The following ZNG1B variants were observed in gnomAD, a reference collection of about 807,000 sequenced individuals.
The protein encoded by ZNG1B is zinc-regulated GTPase metalloprotein activator 1B.
At chr2:113,439,911 G>A in the ZNG1B span, among the ~76,000 whole-genome samples, 3 of 116,676 alleles carry the variant, frequency 2.6e-5, no homozygotes, top group Admixed American at 1.0e-4. Context: ...TTGAGACGGA[G>A]TCTCGCTCTG....
chr2:113,486,739 G>A, the ZNG1B span, among the ~76,000 whole-genome samples: 1 of 151,974 alleles, frequency 6.6e-6, no homozygotes, highest in African/African-American at 2.4e-5. Context: ...CTGGGCAACA[G>A]AGTGAGACCC....
At chr2:113,475,335 T>G in the ZNG1B span, among the ~76,000 whole-genome samples, 1 of 152,152 alleles carries the variant, frequency 6.6e-6, no homozygotes, top group African/African-American at 2.4e-5. Context: ...TGTTTTCCAT[T>G]TGCTTAGTAG....
At chr2:113,453,002 C>T in the ZNG1B span, 212 of 1,436,568 alleles carry the variant, frequency 1.5e-4, no homozygotes, top group Non-Finnish European at 2.0e-4. Flanking sequence ...ATAGTGAAAG[C>T]TTCTATCACT....
At chr2:113,455,600 A>G in the ZNG1B span, 9 of 1,287,034 alleles carry the variant, frequency 7.0e-6, no homozygotes, top group Non-Finnish European at 9.1e-6. Context: ...CATCCCACCC[A>G]CTGACCCGTT....
At chr2:113,477,254 G>A in the ZNG1B span, among the ~76,000 whole-genome samples, 5,865 of 150,556 alleles carry the variant, frequency 0.039, no homozygotes, top group African/African-American at 0.074. Flanking sequence ...GAAAAGCGCA[G>A]TATTCGGGTG....
chr2:113,478,167 A>G, the ZNG1B span, among the ~76,000 whole-genome samples: 4 of 152,216 alleles, frequency 2.6e-5, no homozygotes, highest in Admixed American at 6.5e-5. Context: ...GAAAATGGAC[A>G]TGTCTCTGGG....
the ZNG1B span, among the ~76,000 whole-genome samples, chr2:113,476,729 T>G: frequency 1.3e-5 from 2 of 152,134 alleles, no homozygotes; most frequent in African/African-American, 4.8e-5. Context: ...TTAGTTTTCC[T>G]TCTAACAGAC....
the ZNG1B span, among the ~76,000 whole-genome samples, chr2:113,475,546 T>C: frequency 6.6e-6 from 1 of 151,498 alleles, no homozygotes; most frequent in African/African-American, 2.4e-5. Context: ...TGTTAGCTGG[T>C]TATTTTGCTC....
the ZNG1B span, among the ~76,000 whole-genome samples, chr2:113,467,058 T>C: frequency 7.5e-6 from 1 of 133,470 alleles, no homozygotes; most frequent in Admixed American, 7.3e-5. Flanking sequence ...AGCGAGACTC[T>C]GTCTCAAAAA....
At chr2:113,482,234 G>GA in the ZNG1B span, 23 of 1,456,648 alleles carry the variant, frequency 1.6e-5, no homozygotes, top group South Asian at 2.5e-5. Flanking sequence ...ATCAGGTAAA[G>GA]AAAAAAAATC....
chr2:113,441,378 A>G, the ZNG1B span: 4 of 1,601,726 alleles, frequency 2.5e-6, no homozygotes, highest in Non-Finnish European at 3.4e-6. Context: ...CTTCTGAACT[A>G]TATTTTGACA....
chr2:113,470,359 CT>C, the ZNG1B span: 2 of 151,988 alleles, frequency 1.3e-5, no homozygotes, highest in African/African-American at 4.8e-5. Flanking sequence ...TATAAATTTG[CT>C]TTTTTATATT....
the ZNG1B span, among the ~76,000 whole-genome samples, chr2:113,472,358 T>G: frequency 6.6e-6 from 1 of 152,068 alleles, no homozygotes; most frequent in Non-Finnish European, 1.5e-5. Flanking sequence ...TAAATTTGTT[T>G]GAGTTCATTG....
At chr2:113,477,178 G>A in the ZNG1B span, among the ~76,000 whole-genome samples, 1 of 152,160 alleles carries the variant, frequency 6.6e-6, no homozygotes, top group Admixed American at 6.6e-5. Flanking sequence ...AGACTCCGTG[G>A]GCGTGGGACC....
At chr2:113,471,660 A>G in the ZNG1B span, among the ~76,000 whole-genome samples, 1 of 131,546 alleles carries the variant, frequency 7.6e-6, no homozygotes, top group Admixed American at 8.2e-5. Flanking sequence ...AGTCCCCAGA[A>G]TGTGATGTTC....
chr2:113,454,316 C>T, the ZNG1B span, among the ~76,000 whole-genome samples: 11 of 152,050 alleles, frequency 7.2e-5, no homozygotes, highest in African/African-American at 1.2e-4. Context: ...CTCATTCTTT[C>T]GGCAATAATT....
the ZNG1B span, among the ~76,000 whole-genome samples, chr2:113,487,508 A>G: frequency 3.0e-4 from 46 of 152,136 alleles, no homozygotes; most frequent in African/African-American, 1.1e-3. Context: ...GACTAAAATT[A>G]TACCCATTGA....
At chr2:113,487,704 G>A in the ZNG1B span, among the ~76,000 whole-genome samples, 1 of 144,174 alleles carries the variant, frequency 6.9e-6, no homozygotes, top group African/African-American at 2.9e-5. Context: ...AGTATATGAC[G>A]GGATTTTTTT....
At chr2:113,454,565 T>C in the ZNG1B span, among the ~76,000 whole-genome samples, 5 of 150,628 alleles carry the variant, frequency 3.3e-5, no homozygotes, top group East Asian at 3.9e-4. Context: ...ATTGACTTAT[T>C]ACTGGAATTT....
Sources: gnomAD v4.1 joint callset for allele counts (sites outside exome capture counted in the v4.1 genomes callset) on GRCh38, gnomAD v4.1.1 for gene constraint, MANE v1.5 for transcripts, NCBI Gene and HGNC (gene_info 2026-07-23, HGNC 2026-07-21) for gene names.